EML2: variants seen among roughly 807,000 people sequenced by gnomAD.
EML2 encodes echinoderm microtubule-associated protein-like 2.
Under a neutral mutation model 84.7 loss-of-function variants are expected in EML2, and 59 were observed. That is an observed-to-expected ratio of 0.70 (90% confidence interval 0.56 to 0.86). The LOEUF (loss-of-function observed/expected upper bound fraction) is 0.86. Among genes scored for constraint, EML2 ranks in the 40% least tolerant of loss-of-function variants. The pLI is 0.00. For missense variants in EML2, 818 were observed against 855.6 expected (o/e 0.96, Z 0.55); for synonymous variants, 352 against 348.9 (o/e 1.01, Z -0.10).
chr19:45,632,704 T>A, intron 6 of EML2, 157 bp downstream of exon 6: 1 of 641,562 alleles, frequency 1.6e-6, no homozygotes, highest in Non-Finnish European at 2.7e-6. Flanking sequence ...CACCCGCCCC[T>A]TGGGGTGAGG....
chr19:45,643,102 T>C (rs1974731824), upstream of EML2, among the ~76,000 whole-genome samples: 1 of 152,244 alleles, frequency 6.6e-6, no homozygotes, highest in Non-Finnish European at 1.5e-5. Context: ...CTACTCCTAA[T>C]GACACTAAAG....
intron 6 of EML2, 123 bp from the exon 7 acceptor site, chr19:45,630,169 G>T: frequency 1.4e-6 from 1 of 690,284 alleles, no homozygotes; most frequent in Admixed American, 2.2e-5. Flanking sequence ...GGCACAGTAG[G>T]TGGGAGGATC....
Position 45,638,841 on chromosome 19 carries a change from T to A in EML2, c.49+4A>T. On this transcript the variant is annotated splice_donor_region_variant and intron_variant, in intron 2 of 18. Coordinates refer to ENST00000245925, the MANE Select transcript of EML2 (RefSeq NM_012155.4). ...ACCGAGCCCTTCCCCATCTCCCCAC[T>A]CACCCACACTGAAGATAACTTCTTT... is the stretch of plus-strand genomic sequence containing the variant. The A allele has an allele frequency of 6.2e-7, 1 of 1,610,890 alleles. No homozygotes were observed. The highest frequency in any genetic ancestry group is 8.5e-7 in the Non-Finnish European group (1 of 1,179,182).
chr19:45,626,216 TC>T (rs1972299991), intron 8 of EML2, among the ~76,000 whole-genome samples: 1 of 150,714 alleles, frequency 6.6e-6, no homozygotes, highest in Admixed American at 6.6e-5. Context: ...CTCACCATGT[TC>T]CCCAGGCTGG....
At chr19:45,638,714 ATTT>A in intron 2 of EML2, 80 bp from the exon 3 acceptor site, 1 of 1,583,664 alleles carries the variant, frequency 6.3e-7, no homozygotes, top group Non-Finnish European at 8.6e-7. Flanking sequence ...TTATTTATTT[ATTT>A]TTTTAAAGGC....
At chr19:45,632,319 C>CT (rs1171433911) in intron 6 of EML2, among the ~76,000 whole-genome samples, 1 of 151,920 alleles carries the variant, frequency 6.6e-6, no homozygotes, top group East Asian at 1.9e-4. Flanking sequence ...TCCCGAGTAG[C>CT]TGGGACGCCA....
intron 8 of EML2, among the ~76,000 whole-genome samples, chr19:45,625,363 C>A (rs1972187403): frequency 6.6e-6 from 1 of 152,230 alleles, no homozygotes; most frequent in Non-Finnish European, 1.5e-5. Flanking sequence ...GCTGCAGCCT[C>A]CCAAGTAGCT....
upstream of EML2, chr19:45,643,800 T>G (rs1386147890): frequency 1.4e-5 from 21 of 1,457,142 alleles, no homozygotes; most frequent in Non-Finnish European, 1.7e-5. Context: ...TGCCCCCCAC[T>G]CAGCGCCTCC....
intron 1 of EML2, 85 bp downstream of exon 1, chr19:45,639,272 G>A: frequency 1.6e-6 from 2 of 1,274,362 alleles, no homozygotes; most frequent in Non-Finnish European, 1.0e-6. Flanking sequence ...ACGCCGGTCT[G>A]GGTCCCAGGG....
upstream of EML2, chr19:45,641,190 C>T (rs933762634): frequency 6.4e-6 from 1 of 157,396 alleles, no homozygotes; most frequent in African/African-American, 2.4e-5. Flanking sequence ...TCCACCTGGT[C>T]TCAGCCTCTG....
chr19:45,625,680 G>A (rs554410490), intron 8 of EML2, among the ~76,000 whole-genome samples: 1 of 152,016 alleles, frequency 6.6e-6, no homozygotes, highest in East Asian at 1.9e-4. Context: ...TCATCTCCGT[G>A]CCCAGTGTTC....
In EML2 at chr19:45,626,774, G is replaced by T; in HGVS notation, c.672C>A (p.Cys224Ter). ...HPTDPTVLIT[C>*]GKSHIYFWTL... Reference sequence around the variant, plus strand: ...TCCAGAAGTAGATGTGAGATTTCCCGCAGGTGATAAGCACAGTGGGGTCCG... The same window carrying T: ...TCCAGAAGTAGATGTGAGATTTCCCTCAGGTGATAAGCACAGTGGGGTCCG... Residue 224 changes from cysteine to a stop codon, truncating the protein, a stop_gained, in exon 8 of 19, where the codon TGC (cysteine) becomes TGA (stop). Transcript: ENST00000245925. LOFTEE classifies it high-confidence loss of function. 2.5e-6 allele frequency: 4 copies of T among 1,613,790 alleles called. No individual in the cohort carries two copies. The highest frequency in any genetic ancestry group is 3.4e-6 in the Non-Finnish European group (4 of 1,179,936).
At position 45,624,733 on chromosome 19, in the gene EML2, T is replaced by A. The variant is rs1568457252; in HGVS notation, c.827A>T (p.Tyr276Phe). Residue 276 changes from tyrosine to phenylalanine, a missense_variant, in exon 9 of 19, where the codon TAT (tyrosine) becomes TTT (phenylalanine). Transcript: ENST00000245925. ...GTGACACTGACCTTTGCCCCAAACA[T>A]AGAGGTTCCCCCCAGAGTCCCCCGT... ...VVTGDSGGNL[Y>F]VWGKGGNRIT... The A allele has an allele frequency of 6.2e-7, 1 of 1,613,660 alleles. No homozygotes were observed. Among genetic ancestry groups the A allele is most frequent in the East Asian group, 2.2e-5 (1 of 44,858 alleles).
chr19:45,643,380 C>T (rs1439379214), upstream of EML2, among the ~76,000 whole-genome samples: 1 of 152,194 alleles, frequency 6.6e-6, no homozygotes, highest in Non-Finnish European at 1.5e-5. Flanking sequence ...CCAAACTCTT[C>T]CCCAGCAGGC....
Position 45,621,198 on chromosome 19 carries a change from G to C in EML2, c.1122+9C>G. On this transcript the variant is annotated intron_variant, in intron 11 of 18. Coordinates refer to ENST00000245925, the MANE Select transcript of EML2 (RefSeq NM_012155.4). ...GAAGAGGGGAGGGGTGCAGAGGAGA[G>C]AGGCGCACCTGGACCAGCAGTGAGA... is the stretch of plus-strand genomic sequence containing the variant. The C allele has an allele frequency of 6.2e-7, 1 of 1,613,142 alleles. No individual in the cohort carries two copies. The highest frequency in any genetic ancestry group is 8.5e-7 in the Non-Finnish European group (1 of 1,179,960).
intron 18 of EML2, among the ~76,000 whole-genome samples, chr19:45,611,491 T>C (rs1337377954): frequency 8.2e-6 from 1 of 121,514 alleles, no homozygotes; most frequent in Non-Finnish European, 1.6e-5. Context: ...CTTCTTCTTC[T>C]TCTTCTTCTT....
chr19:45,617,624 CT>C lies in EML2; in HGVS notation c.1322+5del. 1 of 1,613,168 alleles carries C rather than the reference CT, an allele frequency of 6.2e-7. No homozygotes were observed. Among genetic ancestry groups the C allele is most frequent in the Non-Finnish European group, 8.5e-7 (1 of 1,179,584 alleles). ...AGGCCTCCCGAAATGCTCTCCTCAG[CT>C]TTACCTGCCAGTCACTGTACCCACA... On this transcript the variant is annotated splice_donor_5th_base_variant and intron_variant, in intron 13 of 18. Transcript: ENST00000245925.
chr19:45,624,929 T>C, intron 8 of EML2, 111 bp from the exon 9 acceptor site: 1 of 747,156 alleles, frequency 1.3e-6, no homozygotes, highest in South Asian at 1.6e-5. Context: ...ATCTATGCGT[T>C]TAGGGTAAGG....
At chr19:45,641,825 T>G (rs1006720179), upstream of EML2, 57 of 1,507,118 alleles carry the variant, frequency 3.8e-5, 2 homozygotes, top group Admixed American at 8.3e-4. Flanking sequence ...AGATTCTCCC[T>G]GCACCCTCTG....
Sources: gnomAD v4.1 joint callset for allele counts (sites outside exome capture counted in the v4.1 genomes callset) on GRCh38, gnomAD v4.1.1 for gene constraint, MANE v1.5 for transcripts, NCBI Gene and HGNC (gene_info 2026-07-23, HGNC 2026-07-21) for gene names.